Variants in CXADR observed in about 807,000 individuals in gnomAD.
CXADR encodes coxsackievirus and adenovirus receptor.
CXADR carries 20 observed loss-of-function variants against 40.3 expected under a neutral mutation model. That is an observed-to-expected ratio of 0.50 (90% confidence interval 0.35 to 0.72). The LOEUF is 0.72. Among genes scored for constraint, CXADR ranks in the 30% least tolerant of loss-of-function variants. CXADR has a pLI of 0.01. For missense variants in CXADR, 332 were observed against 449.1 expected, an observed-to-expected ratio of 0.74 and a Z score of 2.36; for synonymous variants, 150 against 161.3, an observed-to-expected ratio of 0.93 and a Z score of 0.53.
chr21:17,616,094 T>C, the CXADR span, among the ~76,000 whole-genome samples: 1 of 151,632 alleles, frequency 6.6e-6, no homozygotes, highest in African/African-American at 2.4e-5. Flanking sequence ...CTACTAAAAA[T>C]ACAAAAATTA....
At chr21:17,554,445 T>C (rs560010384) in intron 3 of CXADR, among the ~76,000 whole-genome samples, 1 of 152,200 alleles carries the variant, frequency 6.6e-6, no homozygotes, top group South Asian at 2.1e-4. Flanking sequence ...GAGTTACTCC[T>C]GGGGAGAATT....
intron 6 of CXADR, among the ~76,000 whole-genome samples, chr21:17,562,665 T>C (rs976697911): frequency 6.6e-6 from 1 of 152,234 alleles, no homozygotes; most frequent in African/African-American, 2.4e-5. Context: ...AGAAGTCTGT[T>C]TTGTCTCTAT....
intron 1 of CXADR, among the ~76,000 whole-genome samples, chr21:17,536,170 CTA>C (rs2123195890): frequency 6.6e-6 from 1 of 152,204 alleles, no homozygotes; most frequent in Admixed American, 6.5e-5. Context: ...CTCTTTTCGT[CTA>C]TAGAATGAAG....
rs148389591 is a variant in CXADR, at chr21:17,554,902, TG to T, written c.415+2951del. On this transcript the variant is annotated intron_variant, in intron 3 of 6. Transcript: ENST00000284878. ...TGCCATCATGGCATTCACAGGGTAA[TG>T]GCAGTGCATTCATTGAGCTTGTGTG... Among the ~76,000 whole-genome samples, 855 of 152,290 alleles carry T rather than the reference TG, an allele frequency of 5.6e-3. 8 individuals are homozygous for T. Among genetic ancestry groups the T allele is most frequent in the South Asian group, 0.034 (166 of 4,820 alleles).
intron 2 of CXADR, among the ~76,000 whole-genome samples, chr21:17,548,842 CTGAG>C (rs1411295049): frequency 1.3e-5 from 2 of 152,202 alleles, no homozygotes; most frequent in African/African-American, 4.8e-5. Flanking sequence ...GGACTTGACT[CTGAG>C]TGACCGTTTC....
chr21:17,577,628 T>TTTTTTTTTTTTC (rs2061331541), intron 7 of CXADR, among the ~76,000 whole-genome samples: 1 of 145,432 alleles, frequency 6.9e-6, no homozygotes, highest in Non-Finnish European at 1.5e-5. Context: ...TTTTTTTTTT[T>TTTTTTTTTTTTC]TTTTTTTTTT....
At chr21:17,557,919 CAT>C (rs767445169) in intron 3 of CXADR, among the ~76,000 whole-genome samples, 1 of 152,058 alleles carries the variant, frequency 6.6e-6, no homozygotes, top group Non-Finnish European at 1.5e-5. Context: ...ACGTGATTAA[CAT>C]GTTAACTTTA....
intron 7 of CXADR, among the ~76,000 whole-genome samples, chr21:17,589,906 T>C (rs554349724): frequency 2.6e-5 from 4 of 152,072 alleles, no homozygotes; most frequent in African/African-American, 9.7e-5. Flanking sequence ...CTCACCAATA[T>C]TGGGCATTAT....
At position 17,563,897 on chromosome 21, in the gene CXADR, C is replaced by T. The variant is rs561086446; in HGVS notation, c.834-1531C>T. ...TGGAGCTTGCAGTGAGCTGAGATCA[C>T]GCCACTGCACTCCAGCCTGGGCAAC... On this transcript the variant is annotated intron_variant, in intron 6 of 6. Coordinates refer to ENST00000284878, the MANE Select transcript of CXADR (RefSeq NM_001338.5). Among the ~76,000 whole-genome samples, 132 of 125,438 alleles carry T rather than the reference C, an allele frequency of 1.1e-3. 1 individual carries two copies. Among genetic ancestry groups the T allele is most frequent in the African/African-American group, 3.5e-3 (125 of 36,106 alleles). The allele number at this position is 125,438 out of a possible 152,430, so 82.3% of individuals were successfully genotyped here.
the CXADR span, among the ~76,000 whole-genome samples, chr21:17,610,875 C>A: frequency 6.6e-6 from 1 of 152,226 alleles, no homozygotes; most frequent in African/African-American, 2.4e-5. Context: ...GAATATGACT[C>A]CTTTATTCCA....
At chr21:17,513,472 T>C (rs370300100) in intron 1 of CXADR, among the ~76,000 whole-genome samples, 5 of 152,188 alleles carry the variant, frequency 3.3e-5, no homozygotes, top group Non-Finnish European at 5.9e-5. Context: ...AGCTCTCCCA[T>C]AGCATTCTCT....
the CXADR span, among the ~76,000 whole-genome samples, chr21:17,620,048 T>G: frequency 6.6e-6 from 1 of 152,184 alleles, no homozygotes; most frequent in Admixed American, 6.5e-5. Flanking sequence ...TATCATGCTA[T>G]CTTATCATTC....
At chr21:17,599,711 C>T in the CXADR span, among the ~76,000 whole-genome samples, 4 of 152,260 alleles carry the variant, frequency 2.6e-5, no homozygotes, top group African/African-American at 9.6e-5. Context: ...AACTCCTGAC[C>T]TCAGGTGATC....
At position 17,568,832 on chromosome 21, in the gene CXADR, T is replaced by C. The variant is rs2061249328; in HGVS notation, c.*3140T>C. 8 of 985,338 alleles carry C rather than the reference T, an allele frequency of 8.1e-6. No homozygotes were observed. The highest frequency in any genetic ancestry group is 9.6e-6 in the Non-Finnish European group (8 of 829,908). The allele number at this position is 985,338 out of a possible 1,614,324, so 61.0% of individuals were successfully genotyped here. A position where few individuals can be genotyped will look rare whatever the true frequency, so the allele number is the denominator to read the frequency against. The stretch of plus-strand genomic sequence containing the variant: ...TACTATTCATGACAGTAACCAATTA[T>C]TCTGGACAAATTGCTTCTTTTTAAT... On this transcript the variant is annotated 3_prime_UTR_variant, in exon 7 of 7. Coordinates refer to ENST00000284878, the MANE Select transcript of CXADR (RefSeq NM_001338.5).
chr21:17,571,474 G>T (rs1216953785), downstream of CXADR, among the ~76,000 whole-genome samples: 1 of 152,122 alleles, frequency 6.6e-6, no homozygotes, highest in Non-Finnish European at 1.5e-5. Flanking sequence ...CTAATGGCTG[G>T]ATCATATTTC....
chr21:17,524,808 C>T (rs1011981407), intron 1 of CXADR, among the ~76,000 whole-genome samples: 19 of 151,022 alleles, frequency 1.3e-4, no homozygotes, highest in African/African-American at 3.4e-4. Flanking sequence ...ATTCGGGAGG[C>T]TGAGGTAGGA....
the CXADR span, among the ~76,000 whole-genome samples, chr21:17,615,854 T>C: frequency 6.6e-6 from 1 of 152,246 alleles, no homozygotes; most frequent in African/African-American, 2.4e-5. Flanking sequence ...AGAATGCAAC[T>C]TAGAATCAAC....
chr21:17,609,095 C>T, the CXADR span: 1 of 1,613,988 alleles, frequency 6.2e-7, no homozygotes, highest in South Asian at 1.1e-5. Context: ...ATCATGTTTT[C>T]GAACTAGCCT....
intron 7 of CXADR, among the ~76,000 whole-genome samples, chr21:17,575,435 GCCT>G (rs2061314338): frequency 6.6e-6 from 1 of 151,736 alleles, no homozygotes. Context: ...CCCTGCCACG[GCCT>G]CCTAAGTCCT....
Sources: gnomAD v4.1 joint callset for allele counts (sites outside exome capture counted in the v4.1 genomes callset) on GRCh38, gnomAD v4.1.1 for gene constraint, MANE v1.5 for transcripts, NCBI Gene and HGNC (gene_info 2026-07-23, HGNC 2026-07-21) for gene names.